The following FAT3 variants were observed in gnomAD, a reference collection of about 807,000 sequenced individuals.
FAT3 encodes protocadherin Fat 3.
FAT3 carries 95 observed loss-of-function variants against 310.2 expected under a neutral mutation model. The ratio of observed to expected loss-of-function variants is 0.31; its 90% CI spans 0.26 to 0.36. The LOEUF is 0.36. Ranked by LOEUF, FAT3 falls within the 10% of genes least tolerant of loss-of-function variation. The probability of loss-of-function intolerance (pLI) is 1.00; values close to 1 mark genes in which losing one functional copy is unlikely to be tolerated. For synonymous variants in FAT3, 2,314 were observed against 2,192.9 expected (o/e 1.06, Z -1.54); for missense variants, 5,408 against 5,715.6 (o/e 0.95, Z 1.74).
intron 2 of FAT3, among the ~76,000 whole-genome samples, chr11:92,521,484 T>C (rs906406789): frequency 1.3e-5 from 2 of 151,302 alleles, no homozygotes; most frequent in African/African-American, 4.9e-5. Flanking sequence ...TTGCTTTTGG[T>C]TCACATAGAT....
At chr11:92,597,695 A>C (rs1197493925) in intron 3 of FAT3, among the ~76,000 whole-genome samples, 3 of 152,210 alleles carry the variant, frequency 2.0e-5, no homozygotes. Flanking sequence ...ACAGTATACA[A>C]AATGAAATGA....
At chr11:92,590,310 G>A (rs1167138557) in intron 3 of FAT3, among the ~76,000 whole-genome samples, 4 of 152,172 alleles carry the variant, frequency 2.6e-5, no homozygotes, top group African/African-American at 9.6e-5. Context: ...TCAAACTTTA[G>A]TTGGACTCAA....
intron 2 of FAT3, among the ~76,000 whole-genome samples, chr11:92,438,684 G>C (rs1951002169): frequency 6.6e-6 from 1 of 152,180 alleles, no homozygotes; most frequent in African/African-American, 2.4e-5. Context: ...TGTGATGTGG[G>C]AAATTACATG....
chr11:92,505,308 C>G (rs533513598), intron 2 of FAT3, among the ~76,000 whole-genome samples: 1 of 152,130 alleles, frequency 6.6e-6, no homozygotes, highest in Non-Finnish European at 1.5e-5. Flanking sequence ...CTGACTGATG[C>G]TGCTTCCACA....
chr11:92,836,965 G>C (rs1370924626), intron 16 of FAT3, among the ~76,000 whole-genome samples: 1 of 152,124 alleles, frequency 6.6e-6, no homozygotes, highest in African/African-American at 2.4e-5. Context: ...GCCCTTCCTA[G>C]AGCAAAGGGA....
In FAT3 at chr11:92,727,637, A is replaced by G. The variant is rs532939788; in HGVS notation, c.3669+30192A>G. Among the ~76,000 whole-genome samples, 6 of 152,306 alleles carry G rather than the reference A, an allele frequency of 3.9e-5. No homozygotes were observed. The East Asian group carries it at 1.2e-3, about 29-fold the overall frequency. On this transcript the variant is annotated intron_variant, in intron 4 of 27. Transcript: ENST00000525166. ...GTGGCGTGGTAGGTTTGCAGAACCG[A>G]CATAGACCATGGGCAGCACGCACTG...
intron 3 of FAT3, among the ~76,000 whole-genome samples, chr11:92,673,857 T>G (rs1943205181): frequency 6.6e-6 from 1 of 152,096 alleles, no homozygotes; most frequent in Admixed American, 6.6e-5. Context: ...AGGATAAGAT[T>G]GATAAGTTTC....
intron 2 of FAT3, among the ~76,000 whole-genome samples, chr11:92,402,697 G>A (rs748789153): frequency 6.6e-5 from 10 of 150,566 alleles, no homozygotes; most frequent in East Asian, 3.9e-4. Context: ...ACACCACAGC[G>A]CTCCAGCATA....
chr11:92,441,253 T>C (rs1202713389), intron 2 of FAT3, among the ~76,000 whole-genome samples: 2 of 152,256 alleles, frequency 1.3e-5, no homozygotes, highest in Non-Finnish European at 2.9e-5. Flanking sequence ...GAACTATTTT[T>C]ATTTAGTGTT....
chr11:92,328,337 T>G (rs34161190), intron 1 of FAT3, among the ~76,000 whole-genome samples: 19,116 of 152,218 alleles, frequency 0.13, 1,237 homozygotes, highest in South Asian at 0.18. Context: ...TTTTAACATC[T>G]GGTCCTCCTG....
At chr11:92,322,343 C>G (rs528705608) in intron 1 of FAT3, among the ~76,000 whole-genome samples, 1 of 152,176 alleles carries the variant, frequency 6.6e-6, no homozygotes, top group South Asian at 2.1e-4. Context: ...GTCATCTGAG[C>G]CTTCAGTGAG....
At chr11:92,792,606 A>C (rs1319166642) in intron 8 of FAT3, among the ~76,000 whole-genome samples, 161 bp from the exon 9 acceptor site, 2 of 152,146 alleles carry the variant, frequency 1.3e-5, no homozygotes, top group Non-Finnish European at 2.9e-5. Context: ...ATGTTTCCTC[A>C]CTTCATGATA....
chr11:92,354,699 A>G lies in FAT3; in HGVS notation c.2587A>G (p.Asn863Asp). Residue 863 changes from asparagine to aspartate, a missense_variant, in exon 2 of 28, where the codon AAT becomes GAT. This residue lies in a region of FAT3 where 4,588 missense variants were observed against 4,809.8 expected (regional missense o/e 0.95). Transcript: ENST00000525166. ...AGCCAGAGACAAAGACTTAGGTTCT[A>G]ATGGTGAAGTGACTTACTCAGTCTT... ...VEARDKDLGSNGEVTYSVLTD... is the reference protein window; with the variant it reads ...VEARDKDLGSDGEVTYSVLTD... 1 of 1,613,902 alleles carries G rather than the reference A, an allele frequency of 6.2e-7. No individual in the cohort carries two copies. Among genetic ancestry groups the G allele is most frequent in the Non-Finnish European group, 8.5e-7 (1 of 1,179,870 alleles).
At chr11:92,753,437 T>C (rs1291370480) in intron 4 of FAT3, among the ~76,000 whole-genome samples, 1 of 152,166 alleles carries the variant, frequency 6.6e-6, no homozygotes, top group Non-Finnish European at 1.5e-5. Context: ...TGGGGCAACG[T>C]GGAAGAGGAA....
At chr11:92,665,680 G>A (rs1164744920) in intron 3 of FAT3, among the ~76,000 whole-genome samples, 1 of 152,042 alleles carries the variant, frequency 6.6e-6, no homozygotes, top group Non-Finnish European at 1.5e-5. Context: ...CCAAACTCTG[G>A]GAGGAAAATG....
Position 92,483,394 on chromosome 11 carries a change from G to A in FAT3, c.3293-41240G>A, listed in dbSNP as rs1156918910. Among the ~76,000 whole-genome samples, 10 of 151,646 alleles carry A rather than the reference G, an allele frequency of 6.6e-5. No homozygotes were observed. The East Asian group carries it at 1.9e-3, about 30-fold the overall frequency. ...TCTGTCTCCCAGGCTGGAGTGCAATGGCGCGATCTCAGCTCACTGCAACCT... is the reference window on the plus strand; with the variant it reads ...TCTGTCTCCCAGGCTGGAGTGCAATAGCGCGATCTCAGCTCACTGCAACCT... On this transcript the variant is annotated intron_variant, in intron 2 of 27. Coordinates refer to ENST00000525166, the MANE Select transcript of FAT3 (RefSeq NM_001367949.2).
intron 3 of FAT3, among the ~76,000 whole-genome samples, chr11:92,682,377 A>G (rs1943505011): frequency 2.0e-5 from 3 of 152,120 alleles, no homozygotes; most frequent in Admixed American, 6.6e-5. Flanking sequence ...TGTGAGAAAG[A>G]AAAAAAATCA....
intron 20 of FAT3, 147 bp from the exon 21 acceptor site, chr11:92,859,018 C>T (rs1031492874): frequency 6.3e-6 from 4 of 637,042 alleles, no homozygotes; most frequent in Non-Finnish European, 9.5e-6. Context: ...GGTTTTTAAT[C>T]AAAAATGATT....
chr11:92,294,490 A>C (rs1254005690), intron 1 of FAT3, among the ~76,000 whole-genome samples: 2 of 152,116 alleles, frequency 1.3e-5, no homozygotes, highest in Non-Finnish European at 2.9e-5. Flanking sequence ...GTCATACTAT[A>C]GTGGAGATAA....
Sources: gnomAD v4.1 joint callset for allele counts (sites outside exome capture counted in the v4.1 genomes callset) on GRCh38, gnomAD v4.1.1 for gene constraint, gnomAD v4.1.1 regional missense constraint, MANE v1.5 for transcripts, NCBI Gene and HGNC (gene_info 2026-07-23, HGNC 2026-07-21) for gene names.